Variants in ASIC2 observed in about 807,000 individuals in gnomAD.
ASIC2 encodes acid-sensing ion channel 2.
In ASIC2, 25 loss-of-function variants were observed where a neutral mutation model predicts 57.3. The observed-to-expected ratio is 0.44, with a 90% CI of 0.32 to 0.61. The LOEUF (loss-of-function observed/expected upper bound fraction) is 0.61, where lower values mean the gene tolerates loss of function less well. Ranked by LOEUF, ASIC2 falls within the 20% of genes least tolerant of loss-of-function variation. The pLI is 0.06. For missense variants in ASIC2, 641 were observed against 738.1 expected (o/e 0.87, Z 1.52); for synonymous variants, 319 against 307.5 (o/e 1.04, Z -0.39).
chr17:33,663,926 G>T (rs1370699264), intron 1 of ASIC2, among the ~76,000 whole-genome samples: 2 of 152,130 alleles, frequency 1.3e-5, no homozygotes, highest in African/African-American at 4.8e-5. Flanking sequence ...ACCGCCAGCT[G>T]CCCCAAACCT....
intron 1 of ASIC2, among the ~76,000 whole-genome samples, chr17:33,559,150 C>T (rs776164626): frequency 2.0e-5 from 3 of 152,162 alleles, no homozygotes; most frequent in South Asian, 2.1e-4. Context: ...TGAGCAAGAA[C>T]TCCAGTATCT....
chr17:33,042,646 A>C (rs2091934115), intron 3 of ASIC2, among the ~76,000 whole-genome samples: 1 of 152,174 alleles, frequency 6.6e-6, no homozygotes. Context: ...AGGTTAAATG[A>C]CTCTGGTCAC....
chr17:34,108,410 G>A (rs959630130), intron 1 of ASIC2, among the ~76,000 whole-genome samples: 2 of 151,964 alleles, frequency 1.3e-5, no homozygotes, highest in African/African-American at 4.8e-5. Context: ...TTGAACTATA[G>A]TTTATAAATG....
At chr17:33,035,794 T>A (rs1046938509) in intron 3 of ASIC2, among the ~76,000 whole-genome samples, 2 of 152,228 alleles carry the variant, frequency 1.3e-5, no homozygotes, top group African/African-American at 4.8e-5. Context: ...CCTATCCACA[T>A]ACAGTTCAAA....
At chr17:33,132,349 A>C (rs2092349903) in intron 1 of ASIC2, among the ~76,000 whole-genome samples, 1 of 152,174 alleles carries the variant, frequency 6.6e-6, no homozygotes, top group Admixed American at 6.5e-5. Flanking sequence ...AAAGGCTGTC[A>C]TGATGTTAAG....
At chr17:33,561,887 C>CTA (rs1916083852) in intron 1 of ASIC2, among the ~76,000 whole-genome samples, 1 of 152,224 alleles carries the variant, frequency 6.6e-6, no homozygotes, top group African/African-American at 2.4e-5. Context: ...TGACGTTTTT[C>CTA]TACCAAGGAC....
At chr17:33,847,039 A>G (rs559523010) in intron 1 of ASIC2, among the ~76,000 whole-genome samples, 50 of 152,184 alleles carry the variant, frequency 3.3e-4, no homozygotes, top group Admixed American at 2.9e-3. Context: ...TCCTAGCAGC[A>G]GCAGGAGGAG....
intron 1 of ASIC2, among the ~76,000 whole-genome samples, chr17:33,541,624 A>G (rs1222758242): frequency 1.3e-5 from 2 of 152,180 alleles, no homozygotes; most frequent in Non-Finnish European, 2.9e-5. Flanking sequence ...TGAGGACTGT[A>G]TCATTAGGGC....
intron 1 of ASIC2, among the ~76,000 whole-genome samples, chr17:33,198,696 C>T (rs1906738561): frequency 6.6e-6 from 1 of 152,234 alleles, no homozygotes; most frequent in Non-Finnish European, 1.5e-5. Flanking sequence ...AAAAAGGACT[C>T]ATTCCCTGTG....
chr17:33,903,644 C>T (rs958347214), intron 1 of ASIC2, among the ~76,000 whole-genome samples: 1 of 152,100 alleles, frequency 6.6e-6, no homozygotes, highest in Non-Finnish European at 1.5e-5. Context: ...CAACAGTGTT[C>T]TGTGGGTGCA....
rs1422844809 is a variant in ASIC2, at chr17:33,788,245, G to T, written c.555+367733C>A. On this transcript the variant is annotated intron_variant, in intron 1 of 9. Transcript: ENST00000359872. Reference sequence around the variant, plus strand: ...AAAAACCCCATTAAAAGTGGGCAAAGAATATGAACAGACACTTCTCAAAAG... The same window carrying T: ...AAAAACCCCATTAAAAGTGGGCAAATAATATGAACAGACACTTCTCAAAAG... 7.9e-5 allele frequency among the ~76,000 whole-genome samples: 12 copies of T among 151,932 alleles called. No individual in the cohort carries two copies. In the East Asian group the frequency reaches 1.5e-3, roughly 20 times the overall value.
chr17:33,835,942 C>T (rs1331956514), intron 1 of ASIC2, among the ~76,000 whole-genome samples: 2 of 150,596 alleles, frequency 1.3e-5, no homozygotes, highest in Non-Finnish European at 3.0e-5. Flanking sequence ...GTCACTGTGC[C>T]CAGTATATGA....
chr17:33,060,375 C>T (rs1005364718), intron 3 of ASIC2, among the ~76,000 whole-genome samples: 3 of 152,200 alleles, frequency 2.0e-5, no homozygotes, highest in East Asian at 1.9e-4. Flanking sequence ...CAGCTTTCTA[C>T]GTATGGCTAG....
intron 1 of ASIC2, among the ~76,000 whole-genome samples, chr17:33,239,805 A>G (rs1028071369): frequency 2.0e-5 from 3 of 152,184 alleles, no homozygotes; most frequent in Admixed American, 2.0e-4. Flanking sequence ...TACAGTCAGC[A>G]CTGTGCTTGC....
intron 1 of ASIC2, among the ~76,000 whole-genome samples, chr17:33,837,476 C>T (rs1913307752): frequency 6.6e-6 from 1 of 152,190 alleles, no homozygotes; most frequent in Non-Finnish European, 1.5e-5. Flanking sequence ...GGGAAATGTG[C>T]TTTCAATTAA....
chr17:34,107,641 A>C (rs1911109725), intron 1 of ASIC2, among the ~76,000 whole-genome samples: 1 of 152,174 alleles, frequency 6.6e-6, no homozygotes, highest in African/African-American at 2.4e-5. Flanking sequence ...AATTATTTTC[A>C]ATTCTCCCCC....
rs143220842 is a variant in ASIC2 at position 33,023,216 on chromosome 17, G to A, written c.1349+645C>T. Among the ~76,000 whole-genome samples the A allele has an allele frequency of 5.0e-3, 765 of 152,248 alleles. 8 individuals are homozygous for A. The highest frequency in any genetic ancestry group is 0.018 in the African/African-American group (736 of 41,544). On this transcript the variant is annotated intron_variant, in intron 6 of 9. Coordinates refer to ENST00000225823, the MANE Select transcript of ASIC2 (RefSeq NM_183377.2). ...TTAAAAAAATCTCTGGGCCAGGCGCGGTGGCTCACACCTGTAATCCCAGCA... is the reference window on the plus strand; with the variant it reads ...TTAAAAAAATCTCTGGGCCAGGCGCAGTGGCTCACACCTGTAATCCCAGCA...
At position 33,958,086 on chromosome 17, in the gene ASIC2, C is replaced by G. The variant is rs182428640; in HGVS notation, c.555+197892G>C. 2.2e-3 allele frequency among the ~76,000 whole-genome samples: 333 copies of G among 152,352 alleles called. 5 individuals are homozygous for G. The highest frequency in any genetic ancestry group is 7.8e-3 in the African/African-American group (324 of 41,586). Reference sequence around the variant, plus strand: ...TGATCTACTTTGACTCCATGTCTCACATCCAGGTTATGCTGTTGCAAGAAG... The same window carrying G: ...TGATCTACTTTGACTCCATGTCTCAGATCCAGGTTATGCTGTTGCAAGAAG... On this transcript the variant is annotated intron_variant, in intron 1 of 9. Transcript: ENST00000359872.
At chr17:33,738,036 C>T (rs8079764) in intron 1 of ASIC2, among the ~76,000 whole-genome samples, 20,484 of 152,158 alleles carry the variant, frequency 0.13, 1,483 homozygotes, top group South Asian at 0.25. Context: ...CTCACTGGTT[C>T]AGTTACTGGT....
Sources: allele counts gnomAD v4.1 joint callset (sites outside exome capture counted in the v4.1 genomes callset), GRCh38; gene constraint gnomAD v4.1.1; transcripts MANE v1.5; gene names NCBI Gene and HGNC (gene_info 2026-07-23, HGNC 2026-07-21).